Variants in PARD3B observed in about 807,000 individuals in gnomAD.
The protein encoded by PARD3B is partitioning defective 3 homolog B.
PARD3B carries 103 observed loss-of-function variants against 130.2 expected under a neutral mutation model. That is an observed-to-expected ratio of 0.79 (90% CI 0.67 to 0.93). PARD3B has a LOEUF of 0.93. Among genes scored for constraint, PARD3B ranks in the 40% least tolerant of loss-of-function variants. PARD3B has a pLI of 0.00. For synonymous variants in PARD3B, 583 were observed against 553.2 expected, an observed-to-expected ratio of 1.05 and a Z score of -0.76; for missense variants, 1,609 against 1,499.2, an observed-to-expected ratio of 1.07 and a Z score of -1.21.
At position 205,516,721 on chromosome 2, in the gene PARD3B, T is replaced by C. The variant is rs185653401; in HGVS notation, c.3180+16690T>C. ...AAATCATATCGTCTGCAAACAGAGA[T>C]AGTTTGACTTCCTCTCTATTTGGAT... is the stretch of plus-strand genomic sequence containing the variant. On this transcript the variant is annotated intron_variant, in intron 21 of 22. Coordinates refer to ENST00000406610, the MANE Select transcript of PARD3B (RefSeq NM_001302769.2). 3.5e-3 allele frequency among the ~76,000 whole-genome samples: 533 copies of C among 152,264 alleles called. 1 individual carries two copies. The highest frequency in any genetic ancestry group is 6.2e-3 in the Admixed American group (95 of 15,276).
intron 16 of PARD3B, among the ~76,000 whole-genome samples, chr2:205,278,421 C>T (rs2041038770): frequency 1.3e-5 from 2 of 152,010 alleles, no homozygotes; most frequent in South Asian, 4.2e-4. Context: ...AGGGGTCCCT[C>T]ATACATAAGG....
At chr2:204,812,077 T>G (rs1436416718) in intron 2 of PARD3B, among the ~76,000 whole-genome samples, 1 of 152,224 alleles carries the variant, frequency 6.6e-6, no homozygotes, top group African/African-American at 2.4e-5. Flanking sequence ...CTTTTTTCTA[T>G]CACTGTATAT....
At chr2:205,471,012 T>C (rs2048806731) in intron 20 of PARD3B, among the ~76,000 whole-genome samples, 1 of 152,230 alleles carries the variant, frequency 6.6e-6, no homozygotes, top group South Asian at 2.1e-4. Flanking sequence ...CAGTCTGATG[T>C]TTGACAAGTT....
At chr2:205,295,039 C>T (rs989051925) in intron 16 of PARD3B, among the ~76,000 whole-genome samples, 9 of 151,944 alleles carry the variant, frequency 5.9e-5, no homozygotes, top group African/African-American at 2.2e-4. Context: ...GCAATGATAT[C>T]AAGTAAAGCA....
At chr2:204,725,669 G>A (rs1328087600) in intron 2 of PARD3B, among the ~76,000 whole-genome samples, 1 of 152,180 alleles carries the variant, frequency 6.6e-6, no homozygotes, top group East Asian at 1.9e-4. Flanking sequence ...GCATGAGTGA[G>A]TTTGAGGCTT....
intron 16 of PARD3B, among the ~76,000 whole-genome samples, chr2:205,250,953 A>G (rs2039819893): frequency 6.6e-6 from 1 of 152,082 alleles, no homozygotes; most frequent in African/African-American, 2.4e-5. Context: ...TAAAAAAATA[A>G]AAAACTTGAC....
chr2:205,009,095 T>A (rs1179310647), intron 3 of PARD3B, among the ~76,000 whole-genome samples: 1 of 152,184 alleles, frequency 6.6e-6, no homozygotes, highest in Non-Finnish European at 1.5e-5. Context: ...TTAAACAAAT[T>A]TATGCAATAC....
chr2:204,686,380 T>C, intron 2 of PARD3B, 98 bp downstream of exon 2: 1 of 892,874 alleles, frequency 1.1e-6, no homozygotes, highest in Admixed American at 1.9e-5. Context: ...TCAATTATTA[T>C]TAAAAGATAC....
chr2:204,779,314 G>GT lies in PARD3B; in HGVS notation c.222+93033dup, dbSNP rs146633685. Among the ~76,000 whole-genome samples the GT allele has an allele frequency of 8.5e-3, 1,290 of 152,282 alleles. 17 individuals are homozygous for GT. The highest frequency in any genetic ancestry group is 0.029 in the African/African-American group (1,214 of 41,556). On this transcript the variant is annotated intron_variant, in intron 2 of 22. Transcript: ENST00000406610. The stretch of plus-strand genomic sequence containing the variant: ...TAAAAATTGCCAAGTCCTCAGTGCA[G>GT]TGTCTAATACATAGCAGCTGGTTGA...
At chr2:204,939,602 G>A (rs1317647467) in intron 2 of PARD3B, among the ~76,000 whole-genome samples, 1 of 152,116 alleles carries the variant, frequency 6.6e-6, no homozygotes, top group Admixed American at 6.6e-5. Flanking sequence ...GTACATTTCA[G>A]GAATCAATAT....
rs2053733669 is a variant in PARD3B at position 205,575,660 on chromosome 2, T to C, written c.3260+22257T>C. Among the ~76,000 whole-genome samples the C allele has an allele frequency of 1.3e-5, 2 of 152,132 alleles. No individual in the cohort carries two copies. Among genetic ancestry groups the C allele is most frequent in the African/African-American group, 4.8e-5 (2 of 41,426 alleles). On this transcript the variant is annotated intron_variant, in intron 22 of 22. Coordinates refer to ENST00000406610, the MANE Select transcript of PARD3B (RefSeq NM_001302769.2). The surrounding 1 kb of genome is among the most constrained non-coding windows in gnomAD (Gnocchi z 4.6). ...CTTTTCAGATTGGCTTCTTTCACTTTATAATATGCATTTAAGTTTCCTCCA... is the reference window on the plus strand; with the variant it reads ...CTTTTCAGATTGGCTTCTTTCACTTCATAATATGCATTTAAGTTTCCTCCA...
intron 4 of PARD3B, among the ~76,000 whole-genome samples, chr2:205,090,342 G>A (rs954741349): frequency 6.6e-6 from 1 of 152,166 alleles, no homozygotes; most frequent in Non-Finnish European, 1.5e-5. Flanking sequence ...GTGTCATGTG[G>A]CATTGAGTAA....
Position 204,601,432 on chromosome 2 carries a change from A to G in PARD3B, c.120+55313A>G, listed in dbSNP as rs1453897992. 2.6e-5 allele frequency among the ~76,000 whole-genome samples: 4 copies of G among 152,156 alleles called. No individual in the cohort carries two copies. In the East Asian group the frequency reaches 5.8e-4, roughly 22 times the overall value. On this transcript the variant is annotated intron_variant, in intron 1 of 22. Transcript: ENST00000406610. ...ATTGCTATATTGTTTTTTAATATAT[A>G]AAAAGCTTAATTGTGAAACCTTATT...
rs201599149 is a variant in PARD3B at position 204,874,508 on chromosome 2, A to G, written c.223-90644A>G. On this transcript the variant is annotated intron_variant, in intron 2 of 22. Coordinates refer to ENST00000406610, the MANE Select transcript of PARD3B (RefSeq NM_001302769.2). ...GAAGGGAGGCCTAACTGTAACATTT[A>G]TATTTCTTAGTTTTTAAAAGATATC... Among the ~76,000 whole-genome samples, 16 of 152,336 alleles carry G rather than the reference A, an allele frequency of 1.1e-4. No individual in the cohort carries two copies. The East Asian group carries it at 2.9e-3, about 28-fold the overall frequency.
chr2:204,638,752 A>G (rs1338965435), intron 1 of PARD3B, among the ~76,000 whole-genome samples: 1 of 152,220 alleles, frequency 6.6e-6, no homozygotes, highest in Non-Finnish European at 1.5e-5. Flanking sequence ...ATTGTTTTAA[A>G]TGCTTTATCA....
Position 205,304,423 on chromosome 2 carries a change from G to A in PARD3B, c.2630+2722G>A, listed in dbSNP as rs893653864. Among the ~76,000 whole-genome samples the A allele has an allele frequency of 2.6e-5, 4 of 151,502 alleles. No individual in the cohort carries two copies. In the East Asian group the frequency reaches 7.8e-4, roughly 29 times the overall value. On this transcript the variant is annotated intron_variant, in intron 18 of 22. Coordinates refer to ENST00000406610, the MANE Select transcript of PARD3B (RefSeq NM_001302769.2). ...GGCCAAGACGGGCGGATCACCTGAG[G>A]TCAGGAGTTCGAGACCAGCTTGACT...
chr2:205,451,524 T>C (rs961531178), intron 20 of PARD3B, among the ~76,000 whole-genome samples: 5 of 152,162 alleles, frequency 3.3e-5, no homozygotes, highest in Non-Finnish European at 7.3e-5. Flanking sequence ...GCAAAAGTTA[T>C]AGATTCATAG....
At chr2:204,845,977 G>A (rs556676268) in intron 2 of PARD3B, among the ~76,000 whole-genome samples, 1 of 152,116 alleles carries the variant, frequency 6.6e-6, no homozygotes, top group African/African-American at 2.4e-5. Context: ...GATTGAGAAA[G>A]AATATCTGCA....
chr2:205,421,201 G>A lies in PARD3B; in HGVS notation c.2742-19169G>A, dbSNP rs368960630. ...GCTGTATATTGGGAGATGATAAGACGATATCTTTGTTTAGGAAAGAAAGGC... is the reference window on the plus strand; with the variant it reads ...GCTGTATATTGGGAGATGATAAGACAATATCTTTGTTTAGGAAAGAAAGGC... On this transcript the variant is annotated intron_variant, in intron 19 of 22. Coordinates refer to ENST00000406610, the MANE Select transcript of PARD3B (RefSeq NM_001302769.2). This position sits in a 1 kb window ranked among gnomAD's most constrained non-coding sequence, Gnocchi z 5.1. 3.6e-4 allele frequency among the ~76,000 whole-genome samples: 55 copies of A among 152,120 alleles called. No individual in the cohort carries two copies. The highest frequency in any genetic ancestry group is 3.4e-3 in the Middle Eastern group (1 of 294).
Sources: gnomAD v4.1 joint callset for allele counts (sites outside exome capture counted in the v4.1 genomes callset) on GRCh38, gnomAD v4.1.1 for gene constraint, Gnocchi (gnomAD v3.1) non-coding constraint, MANE v1.5 for transcripts, NCBI Gene and HGNC (gene_info 2026-07-23, HGNC 2026-07-21) for gene names.